ZDHHC15: variants seen among roughly 807,000 people sequenced by gnomAD.
ZDHHC15 encodes the protein zDHHC palmitoyltransferase 15.
ZDHHC15 carries 19 observed loss-of-function variants against 31.7 expected under a neutral mutation model. The ratio of observed to expected loss-of-function variants is 0.60; its 90% CI spans 0.42 to 0.88. The LOEUF is 0.88. Among genes scored for constraint, ZDHHC15 ranks in the 40% least tolerant of loss-of-function variants. The probability of loss-of-function intolerance (pLI) is 0.00; values close to 1 mark genes in which losing one functional copy is unlikely to be tolerated. For missense variants in ZDHHC15, 209 were observed against 251.2 expected (o/e 0.83, Z 1.14); for synonymous variants, 103 against 90.0 (o/e 1.14, Z -0.82).
chrX:75,493,542 T>A (rs2084936391), intron 2 of ZDHHC15, among the ~76,000 whole-genome samples: 1 of 111,906 alleles, frequency 8.9e-6, no homozygotes. Flanking sequence ...AGTAAAATAC[T>A]GGCAAATGGA....
At chrX:75,473,264 G>C (rs772319623) in intron 3 of ZDHHC15, among the ~76,000 whole-genome samples, 1 of 111,854 alleles carries the variant, frequency 8.9e-6, no homozygotes, top group Non-Finnish European at 1.9e-5. Flanking sequence ...CTGGGGCATA[G>C]TTCTCCAGAA....
intron 2 of ZDHHC15, among the ~76,000 whole-genome samples, chrX:75,487,550 C>A (rs1444040127): frequency 8.9e-6 from 1 of 112,001 alleles, no homozygotes; most frequent in Non-Finnish European, 1.9e-5. Flanking sequence ...AGTTGCAAAT[C>A]TTTCCACTGA....
At chrX:75,477,890 T>G (rs2084631351) in intron 3 of ZDHHC15, among the ~76,000 whole-genome samples, 1 of 111,879 alleles carries the variant, frequency 8.9e-6, no homozygotes, top group African/African-American at 3.2e-5. Flanking sequence ...CTTCTGTCAT[T>G]TTACTCTTTA....
At chrX:75,464,345 T>C (rs1229512188) in intron 3 of ZDHHC15, among the ~76,000 whole-genome samples, 1 of 110,644 alleles carries the variant, frequency 9.0e-6, no homozygotes, top group African/African-American at 3.3e-5. Context: ...AATGACGAGT[T>C]AATGGGTGCA....
In ZDHHC15 at chrX:75,454,262, C is replaced by G. The variant is rs191441862; in HGVS notation, c.259-3340G>C. On this transcript the variant is annotated intron_variant, in intron 3 of 11. Transcript: ENST00000373367. Reference sequence around the variant, plus strand: ...ACCAATAACAGACAAACAGCCAAATCATGAGTGAACTCCCATTCACAATTG... The same window carrying G: ...ACCAATAACAGACAAACAGCCAAATGATGAGTGAACTCCCATTCACAATTG... Among the ~76,000 whole-genome samples, 3 of 111,802 alleles carry G rather than the reference C, an allele frequency of 2.7e-5. No homozygotes were observed. The East Asian group carries it at 8.5e-4, about 32-fold the overall frequency.
chrX:75,467,361 T>C (rs1418113789), intron 3 of ZDHHC15, among the ~76,000 whole-genome samples: 1 of 111,976 alleles, frequency 8.9e-6, no homozygotes, highest in Non-Finnish European at 1.9e-5. Flanking sequence ...AAATATCTCA[T>C]GTCTACTTAA....
chrX:75,380,125 A>G (rs760697751), intron 10 of ZDHHC15, among the ~76,000 whole-genome samples: 3 of 112,201 alleles, frequency 2.7e-5, no homozygotes, highest in Non-Finnish European at 3.8e-5. Context: ...TTTGGGCAGA[A>G]AGCAAATGTA....
rs1392665982 is a variant in ZDHHC15 at position 75,431,460 on chromosome X, A to G, written c.440T>C (p.Val147Ala). 1 of 1,206,557 alleles carries G rather than the reference A, an allele frequency of 8.3e-7. No individual in the cohort carries two copies. Among genetic ancestry groups the G allele is most frequent in the Non-Finnish European group, 1.1e-6 (1 of 893,908 alleles). The stretch of plus-strand genomic sequence containing the variant: ...TATGGCCGTCACTTACATAGCACAG[A>G]CAGAGCAGTGGTGGCAGCGGTCTGG... The part of the protein sequence containing the change: ...IKPDRCHHCS[V>A]CAMCVLKMDH... The change falls in exon 5 of 12, where the codon GTC becomes GCC. Residue 147 changes from valine to alanine, a missense_variant. By Grantham distance (64) the Val-to-Ala change is moderately conservative. Coordinates refer to ENST00000373367, the MANE Select transcript of ZDHHC15 (RefSeq NM_144969.3).
At chrX:75,478,744 C>T in intron 3 of ZDHHC15, 147 bp downstream of exon 3, 3 of 444,655 alleles carry the variant, frequency 6.7e-6, no homozygotes, top group Non-Finnish European at 1.1e-5. Flanking sequence ...GCCTATCCTA[C>T]CCTCAATTCA....
chrX:75,396,757 T>A (rs1342867662), intron 10 of ZDHHC15, among the ~76,000 whole-genome samples: 1 of 111,163 alleles, frequency 9.0e-6, no homozygotes, highest in African/African-American at 3.3e-5. Flanking sequence ...CATCAGCAGA[T>A]GAATAGATAA....
chrX:75,459,018 C>T (rs1479117347), intron 3 of ZDHHC15, among the ~76,000 whole-genome samples: 1 of 106,655 alleles, frequency 9.4e-6, no homozygotes, highest in African/African-American at 3.4e-5. Context: ...AAAACAACCC[C>T]CAGCCAAGGG....
chrX:75,493,455 C>T lies in ZDHHC15; in HGVS notation c.163+12366G>A, dbSNP rs757175367. On this transcript the variant is annotated intron_variant, in intron 2 of 11. Transcript: ENST00000373367. ...TATGAGGCCAGCATCATCCTGATACCAAAGCCTGGCAGAGACACAACAAAA... is the reference window on the plus strand; with the variant it reads ...TATGAGGCCAGCATCATCCTGATACTAAAGCCTGGCAGAGACACAACAAAA... Among the ~76,000 whole-genome samples, 47 of 111,473 alleles carry T rather than the reference C, an allele frequency of 4.2e-4. No individual in the cohort carries two copies. In the Middle Eastern group the frequency reaches 0.018, roughly 44 times the overall value.
At chrX:75,496,795 GAAT>G (rs1417676564) in intron 2 of ZDHHC15, among the ~76,000 whole-genome samples, 1 of 111,393 alleles carries the variant, frequency 9.0e-6, no homozygotes, top group African/African-American at 3.3e-5. Flanking sequence ...TGTTCGGACT[GAAT>G]AATAATAGTG....
intron 7 of ZDHHC15, 79 bp downstream of exon 7, chrX:75,428,999 G>A: frequency 1.7e-6 from 2 of 1,145,410 alleles, no homozygotes; most frequent in Admixed American, 2.6e-5. Flanking sequence ...AATGTAAAAA[G>A]ATAGAGGGTG....
chrX:75,409,128 C>T (rs980537711), intron 10 of ZDHHC15, among the ~76,000 whole-genome samples: 2 of 110,924 alleles, frequency 1.8e-5, no homozygotes, highest in Non-Finnish European at 3.8e-5. Context: ...AAAAAAAGAC[C>T]CCAAATAGCC....
At chrX:75,521,465 G>A (rs932866008) in intron 1 of ZDHHC15, among the ~76,000 whole-genome samples, 2 of 110,646 alleles carry the variant, frequency 1.8e-5, no homozygotes, top group African/African-American at 6.6e-5. Context: ...AATGGGGAAC[G>A]GGGGGAATTA....
At chrX:75,374,343 C>T (rs926470181) in intron 11 of ZDHHC15, among the ~76,000 whole-genome samples, 2 of 109,737 alleles carry the variant, frequency 1.8e-5, no homozygotes, top group Non-Finnish European at 3.8e-5. Context: ...ATGTATCAAA[C>T]CTGCACGTTC....
chrX:75,405,375 TAA>T (rs1049127175), intron 10 of ZDHHC15, among the ~76,000 whole-genome samples: 10 of 110,460 alleles, frequency 9.1e-5, no homozygotes, highest in Admixed American at 1.9e-4. Context: ...CCACCAAACC[TAA>T]AATAAAAAAT....
At position 75,469,725 on chromosome X, in the gene ZDHHC15, T is replaced by C. The variant is rs758893389; in HGVS notation, c.258+9166A>G. Among the ~76,000 whole-genome samples, 5 of 111,917 alleles carry C rather than the reference T, an allele frequency of 4.5e-5. No homozygotes were observed. The South Asian group carries it at 1.9e-3, about 42-fold the overall frequency. ...TTTGAGACCTTGCTGTCAACTCTTTTGGGTATAAACCCAAAAGTGGAATTG... is the reference window on the plus strand; with the variant it reads ...TTTGAGACCTTGCTGTCAACTCTTTCGGGTATAAACCCAAAAGTGGAATTG... On this transcript the variant is annotated intron_variant, in intron 3 of 11. Transcript: ENST00000373367.
Sources: gnomAD v4.1 joint callset for allele counts (sites outside exome capture counted in the v4.1 genomes callset) on GRCh38, gnomAD v4.1.1 for gene constraint, MANE v1.5 for transcripts, NCBI Gene and HGNC (gene_info 2026-07-23, HGNC 2026-07-21) for gene names.